Variants in SRBD1 observed in about 807,000 individuals in gnomAD.
The protein encoded by SRBD1 is S1 RNA binding domain 1, also known as S1 RNA-binding domain-containing protein 1.
In SRBD1, 88 loss-of-function variants were observed where a neutral mutation model predicts 115.3. The ratio of observed to expected loss-of-function variants is 0.76; its 90% CI spans 0.64 to 0.91. The LOEUF is 0.91. Ranked by LOEUF, SRBD1 falls within the 40% of genes least tolerant of loss-of-function variation. The pLI, the probability that SRBD1 is intolerant of heterozygous loss-of-function variation, is 0.00. For missense variants in SRBD1, 1,385 were observed against 1,177.4 expected, an observed-to-expected ratio of 1.18 and a Z score of -2.58; for synonymous variants, 509 against 407.7, an observed-to-expected ratio of 1.25 and a Z score of -2.99.
intron 16 of SRBD1, among the ~76,000 whole-genome samples, chr2:45,425,628 T>C (rs761758677): frequency 1.3e-5 from 2 of 152,014 alleles, no homozygotes; most frequent in Non-Finnish European, 2.9e-5. Flanking sequence ...GCTCATCTCA[T>C]TGGGACTGGT....
chr2:45,576,534 A>T (rs1460332218), intron 7 of SRBD1, among the ~76,000 whole-genome samples: 1 of 152,224 alleles, frequency 6.6e-6, no homozygotes, highest in Non-Finnish European at 1.5e-5. Context: ...ACTAATAGTA[A>T]TTCTATTTAC....
rs553540860 is a variant in SRBD1 at position 45,404,246 on chromosome 2, C to T, written c.2513+8868G>A. Among the ~76,000 whole-genome samples, 11 of 152,078 alleles carry T rather than the reference C, an allele frequency of 7.2e-5. 1 individual carries two copies. The highest frequency in any genetic ancestry group is 1.2e-4 in the Non-Finnish European group (8 of 67,986). On this transcript the variant is annotated intron_variant, in intron 19 of 20. Transcript: ENST00000263736. ...TATAGTTGAAGATTTTGGGGAGAGA[C>T]GGGTTCAGATTTAGGCATATTAGGT...
intron 15 of SRBD1, among the ~76,000 whole-genome samples, chr2:45,486,916 T>C (rs960007651): frequency 6.6e-6 from 1 of 152,068 alleles, no homozygotes; most frequent in African/African-American, 2.4e-5. Flanking sequence ...ATGACTACTA[T>C]TTCTATTCCT....
chr2:45,575,418 C>G (rs768651061), intron 7 of SRBD1, among the ~76,000 whole-genome samples: 6 of 152,190 alleles, frequency 3.9e-5, no homozygotes, highest in Non-Finnish European at 5.9e-5. Flanking sequence ...TGAGAGAGAT[C>G]ATTTGCACTG....
intron 4 of SRBD1, among the ~76,000 whole-genome samples, chr2:45,586,710 A>ATT (rs747668841): frequency 6.9e-6 from 1 of 145,208 alleles, no homozygotes; most frequent in African/African-American, 2.5e-5. Flanking sequence ...CACCTGGCTA[A>ATT]TTTTTTTTTT....
chr2:45,551,738 C>G (rs193202394), intron 11 of SRBD1, among the ~76,000 whole-genome samples: 190 of 152,076 alleles, frequency 1.2e-3, no homozygotes, highest in South Asian at 5.0e-3. Flanking sequence ...TAAAAAGAAA[C>G]AGCGAGACAG....
At chr2:45,568,178 A>C (rs189736451) in intron 9 of SRBD1, among the ~76,000 whole-genome samples, 1 of 152,368 alleles carries the variant, frequency 6.6e-6, no homozygotes, top group African/African-American at 2.4e-5. Flanking sequence ...ACTGAGTTAC[A>C]AATTCATGTG....
intron 16 of SRBD1, among the ~76,000 whole-genome samples, chr2:45,471,652 T>A (rs1669652429): frequency 6.6e-6 from 1 of 152,184 alleles, no homozygotes; most frequent in Non-Finnish European, 1.5e-5. Context: ...CCTCACTGTA[T>A]CCTTCTGACT....
intron 9 of SRBD1, among the ~76,000 whole-genome samples, chr2:45,567,020 C>G (rs1419919195): frequency 6.6e-6 from 1 of 152,122 alleles, no homozygotes; most frequent in East Asian, 1.9e-4. Context: ...CTAACAAAAA[C>G]TTAGACTTCC....
rs764776629 is a variant in SRBD1 at position 45,419,793 on chromosome 2, C to T, written c.2151G>A (p.Leu717=). The T allele has an allele frequency of 6.2e-6, 10 of 1,613,458 alleles. No individual in the cohort carries two copies. The highest frequency in any genetic ancestry group is 7.6e-6 in the Non-Finnish European group (9 of 1,179,706). Reference sequence around the variant, plus strand: ...CAGCCACATATTTGTCTCACCTTAACAAAACTTCTGAACAGATGTTAATAT... The same window carrying T: ...CAGCCACATATTTGTCTCACCTTAATAAAACTTCTGAACAGATGTTAATAT... ...GVDINICSEV[L]LRHIAGLNAN... is the part of the protein sequence containing the mutation. The change falls in exon 17 of 21, where the codon TTG becomes TTA. Residue 717 remains leucine, a synonymous_variant. Coordinates refer to ENST00000263736, the MANE Select transcript of SRBD1 (RefSeq NM_018079.5).
chr2:45,476,934 T>C (rs1049296334), intron 16 of SRBD1, 59 bp downstream of exon 16: 2 of 1,485,302 alleles, frequency 1.3e-6, no homozygotes, highest in East Asian at 2.3e-5. Context: ...TATCCCAGGT[T>C]TGAGTACTGC....
At chr2:45,545,317 A>G (rs1210673897) in intron 14 of SRBD1, among the ~76,000 whole-genome samples, 2 of 134,058 alleles carry the variant, frequency 1.5e-5, no homozygotes, top group African/African-American at 5.3e-5. Flanking sequence ...AAAAAAAAAC[A>G]GATGAACCCA....
At position 45,587,113 on chromosome 2, in the gene SRBD1, A is replaced by T. The variant is rs11892872; in HGVS notation, c.649-1339T>A. Among the ~76,000 whole-genome samples the T allele has an allele frequency of 1.7e-3, 218 of 127,304 alleles. 3 individuals carry two copies. The highest frequency in any genetic ancestry group is 3.9e-3 in the Middle Eastern group (1 of 258). 83.5% of individuals were successfully genotyped at this position (127,304 alleles called of 152,430 possible). ...TTTTTAAATATTTAATTATTTTAAA[A>T]TATAATTATTAAAATATTTAAAATT... On this transcript the variant is annotated intron_variant, in intron 4 of 20. Transcript: ENST00000263736.
At chr2:45,435,454 G>C (rs764183920) in intron 16 of SRBD1, among the ~76,000 whole-genome samples, 8 of 151,286 alleles carry the variant, frequency 5.3e-5, no homozygotes, top group Non-Finnish European at 1.2e-4. Flanking sequence ...ATGAAGCTCT[G>C]AAGAGCAGTA....
chr2:45,488,392 AAATG>A, intron 14 of SRBD1, 61 bp from the exon 15 acceptor site: 5 of 1,465,250 alleles, frequency 3.4e-6, no homozygotes, highest in Non-Finnish European at 4.7e-6. Flanking sequence ...CAAAGAAAAT[AAATG>A]AATGAAACCA....
At chr2:45,546,421 C>G in intron 14 of SRBD1, 1 of 856,756 alleles carries the variant, frequency 1.2e-6, no homozygotes, top group Non-Finnish European at 1.4e-6. Flanking sequence ...GTACATCATT[C>G]TACTTATTAT....
chr2:45,470,616 T>C (rs988471460), intron 16 of SRBD1, among the ~76,000 whole-genome samples: 5 of 152,148 alleles, frequency 3.3e-5, no homozygotes, highest in African/African-American at 1.2e-4. Context: ...GTAAATCCAA[T>C]GTATTTAAGT....
At chr2:45,460,157 A>T (rs533016608) in intron 16 of SRBD1, among the ~76,000 whole-genome samples, 4 of 152,278 alleles carry the variant, frequency 2.6e-5, no homozygotes, top group African/African-American at 9.6e-5. Context: ...ATTCACAATC[A>T]TGCCCTGATC....
chr2:45,414,837 C>CACACACATATAGTGTGTATATAGTATGT lies in SRBD1; in HGVS notation c.2334-1572_2334-1545dup, dbSNP rs1553384229. Among the ~76,000 whole-genome samples, 348 of 142,678 alleles carry CACACACATATAGTGTGTATATAGTATGT rather than the reference C, an allele frequency of 2.4e-3. 5 individuals are homozygous for CACACACATATAGTGTGTATATAGTATGT. The highest frequency in any genetic ancestry group is 4.2e-3 in the Non-Finnish European group (277 of 65,394). 93.6% of individuals were successfully genotyped at this position (142,678 alleles called of 152,430 possible). On this transcript the variant is annotated intron_variant, in intron 18 of 20. Coordinates refer to ENST00000263736, the MANE Select transcript of SRBD1 (RefSeq NM_018079.5). The stretch of plus-strand genomic sequence containing the variant: ...ACATATAGTGTGTATATAGTATGTA[C>CACACACATATAGTGTGTATATAGTATGT]ACACACATATAGTGTGTATATAGTA...
Sources: gnomAD v4.1 joint callset for allele counts (sites outside exome capture counted in the v4.1 genomes callset) on GRCh38, gnomAD v4.1.1 for gene constraint, MANE v1.5 for transcripts, NCBI Gene and HGNC (gene_info 2026-07-23, HGNC 2026-07-21) for gene names.